The following PLEKHG4B variants were observed in gnomAD, a reference collection of about 807,000 sequenced individuals.
The protein encoded by PLEKHG4B is pleckstrin homology and RhoGEF domain containing G4B, also known as pleckstrin homology domain-containing family G member 4B.
A neutral mutation model predicts 121.3 loss-of-function variants in PLEKHG4B; 111 were observed. That is an observed-to-expected ratio of 0.92 (90% CI 0.78 to 1.07). The LOEUF (loss-of-function observed/expected upper bound fraction) is 1.07, where lower values mean the gene tolerates loss of function less well. PLEKHG4B is among the 50% of genes least tolerant of loss of function. The pLI is 0.00. For synonymous variants in PLEKHG4B, 738 were observed against 725.0 expected (o/e 1.02, Z -0.29); for missense variants, 1,831 against 1,757.8 (o/e 1.04, Z -0.74).
intron 2 of PLEKHG4B, among the ~76,000 whole-genome samples, chr5:133,373 GC>G (rs1342397708): frequency 1.3e-5 from 2 of 151,916 alleles, no homozygotes; most frequent in East Asian, 1.9e-4. Context: ...TGATTTGGAT[GC>G]CCTTTATTTT....
intron 1 of PLEKHG4B, among the ~76,000 whole-genome samples, chr5:100,311 A>G (rs1018497440): frequency 1.3e-5 from 2 of 152,212 alleles, no homozygotes; most frequent in African/African-American, 2.4e-5. Context: ...AAACTAATGC[A>G]TAAGACTTCA....
intron 1 of PLEKHG4B, among the ~76,000 whole-genome samples, chr5:110,508 C>A (rs1185917839): frequency 1.4e-5 from 2 of 146,346 alleles, no homozygotes; most frequent in Non-Finnish European, 1.5e-5. Flanking sequence ...GGCCACTCTG[C>A]AACACACATG....
At position 139,766 on chromosome 5, in the gene PLEKHG4B, T is replaced by G; in HGVS notation, c.527T>G (p.Leu176Arg). The G allele has an allele frequency of 2.5e-6, 1 of 399,028 alleles. No individual in the cohort carries two copies. Among genetic ancestry groups the G allele is most frequent in the East Asian group, 3.6e-5 (1 of 28,048 alleles). 24.7% of individuals were successfully genotyped at this position (399,028 alleles called of 1,614,324 possible). ...WVNRERRHVP[L>R]QTCLLTSGLA... is the part of the protein sequence containing the mutation. ...AACCGGGAGCGGCGCCATGTCCCCC[T>G]GCAAACCTGCTTGCTGACCTCAGGC... is the stretch of plus-strand genomic sequence containing the variant. Residue 176 changes from leucine to arginine, a missense_variant, in exon 3 of 20, where the codon CTG (leucine) becomes CGG (arginine). Coordinates refer to ENST00000637938, the MANE Select transcript of PLEKHG4B (RefSeq NM_052909.5). The surrounding 1 kb of genome is among the most constrained non-coding windows in gnomAD (Gnocchi z 5.0).
chr5:160,587 A>G (rs530820317), intron 11 of PLEKHG4B, among the ~76,000 whole-genome samples: 1 of 152,194 alleles, frequency 6.6e-6, no homozygotes, highest in South Asian at 2.1e-4. Flanking sequence ...TCTAGGGTTG[A>G]TCATCACTTC....
intron 3 of PLEKHG4B, 134 bp downstream of exon 3, chr5:140,850 C>T (rs1735155747): frequency 1.4e-5 from 8 of 590,178 alleles, no homozygotes; most frequent in East Asian, 6.4e-5. Flanking sequence ...ACAACCTCCC[C>T]TGCACACCCC....
At chr5:162,593 A>T in intron 12 of PLEKHG4B, 129 bp from the exon 13 acceptor site, 1 of 635,754 alleles carries the variant, frequency 1.6e-6, no homozygotes, top group Non-Finnish European at 2.4e-6. Context: ...GGGTGGCGGG[A>T]CTGCCTCTCG....
At chr5:98,425 C>CTTTTTTTTTTTTTTTT (rs55733931) in intron 1 of PLEKHG4B, among the ~76,000 whole-genome samples, 4 of 46,828 alleles carry the variant, frequency 8.5e-5, no homozygotes, top group African/African-American at 8.9e-5. Flanking sequence ...TTTACTGTAG[C>CTTTTTTTTTTTTTTTT]TTTTTTTTTT....
chr5:172,025 C>T (rs1040638783), intron 16 of PLEKHG4B, among the ~76,000 whole-genome samples: 2 of 152,342 alleles, frequency 1.3e-5, no homozygotes, highest in Non-Finnish European at 2.9e-5. Context: ...GAGAAATGGC[C>T]GGTGCGTGGG....
At chr5:132,283 A>C (rs1734802793) in intron 2 of PLEKHG4B, among the ~76,000 whole-genome samples, 1 of 152,208 alleles carries the variant, frequency 6.6e-6, no homozygotes, top group African/African-American at 2.4e-5. Context: ...TTTTATAAAA[A>C]CTTTAGCTGT....
intron 18 of PLEKHG4B, among the ~76,000 whole-genome samples, chr5:174,961 G>A (rs1001615812): frequency 2.0e-5 from 3 of 152,046 alleles, no homozygotes; most frequent in Admixed American, 1.3e-4. Flanking sequence ...CTTCCCCATG[G>A]GCACCCAAGA....
At chr5:143,808 G>A (rs1360771869) in intron 5 of PLEKHG4B, among the ~76,000 whole-genome samples, 1 of 152,188 alleles carries the variant, frequency 6.6e-6, no homozygotes, top group Non-Finnish European at 1.5e-5. Flanking sequence ...AGCTTCTGCC[G>A]GCTTTGAGTC....
At chr5:135,300 C>T (rs1734923829) in intron 2 of PLEKHG4B, among the ~76,000 whole-genome samples, 1 of 150,376 alleles carries the variant, frequency 6.6e-6, no homozygotes, top group Non-Finnish European at 1.5e-5. Context: ...AAATACAAAG[C>T]ATTGCTGAAA....
rs1733472545 is a variant in PLEKHG4B at position 92,197 on chromosome 5, G to A, written c.-35G>A. The stretch of plus-strand genomic sequence containing the variant: ...CACAGCGGGACCAGGCAGAGTTCGG[G>A]GAAAGCGTCGGAGTTCGGGAGACCA... On this transcript the variant is annotated 5_prime_UTR_variant, in exon 1 of 20. Coordinates refer to ENST00000637938, the MANE Select transcript of PLEKHG4B (RefSeq NM_052909.5). The A allele has an allele frequency of 5.3e-6, 2 of 376,624 alleles. No homozygotes were observed. The highest frequency in any genetic ancestry group is 9.4e-6 in the Non-Finnish European group (2 of 212,878). 23.3% of individuals were successfully genotyped at this position (376,624 alleles called of 1,614,324 possible).
intron 1 of PLEKHG4B, among the ~76,000 whole-genome samples, chr5:98,207 A>T (rs184106804): frequency 1.3e-5 from 2 of 152,012 alleles, no homozygotes; most frequent in Admixed American, 6.5e-5. Flanking sequence ...TAGGTTGCTG[A>T]TCCATTTTTA....
intron 16 of PLEKHG4B, among the ~76,000 whole-genome samples, chr5:172,326 A>T (rs1736584946): frequency 6.6e-6 from 1 of 152,118 alleles, no homozygotes; most frequent in South Asian, 2.1e-4. Flanking sequence ...AAATTCCACT[A>T]GGGGAGGGAC....
chr5:103,247 T>C (rs1182302493), intron 1 of PLEKHG4B, among the ~76,000 whole-genome samples: 1 of 152,210 alleles, frequency 6.6e-6, no homozygotes, highest in Non-Finnish European at 1.5e-5. Flanking sequence ...TTCAGTGCTG[T>C]TGTGAGTGGG....
intron 1 of PLEKHG4B, among the ~76,000 whole-genome samples, chr5:102,289 T>C (rs1171437248): frequency 6.6e-6 from 1 of 152,180 alleles, no homozygotes; most frequent in African/African-American, 2.4e-5. Context: ...TCTGTCATTT[T>C]ATTATTGTTA....
Position 163,414 on chromosome 5 carries a change from C to G in PLEKHG4B, c.3342C>G (p.Thr1114=), listed in dbSNP as rs760950642. ...TSVFSKGLEV[T]STVATEKKLP... The stretch of plus-strand genomic sequence containing the variant: ...TCTTCAGCAAGGGCCTGGAGGTAAC[C>G]AGCACTGTAGCCACAGAGAAGAAGC... The change falls in exon 13 of 20, where the codon ACC becomes ACG. Residue 1114 remains threonine (T), a synonymous_variant. Transcript: ENST00000637938. 3.1e-6 allele frequency: 5 copies of G among 1,612,912 alleles called. No homozygotes were observed. Among genetic ancestry groups the G allele is most frequent in the African/African-American group, 2.7e-5 (2 of 74,964 alleles).
chr5:158,708 C>T (rs1225251188), intron 11 of PLEKHG4B, among the ~76,000 whole-genome samples: 3 of 148,300 alleles, frequency 2.0e-5, no homozygotes, highest in Non-Finnish European at 3.0e-5. Flanking sequence ...CCTGGGGGGT[C>T]TCCTTCGTCT....
Sources: gnomAD v4.1 joint callset for allele counts (sites outside exome capture counted in the v4.1 genomes callset) on GRCh38, gnomAD v4.1.1 for gene constraint, Gnocchi (gnomAD v3.1) non-coding constraint, MANE v1.5 for transcripts, NCBI Gene and HGNC (gene_info 2026-07-23, HGNC 2026-07-21) for gene names.